DROSHA: variants seen among roughly 807,000 people sequenced by gnomAD.
The protein encoded by DROSHA is drosha ribonuclease III.
A neutral mutation model predicts 181.9 loss-of-function variants in DROSHA; 56 were observed. The ratio of observed to expected loss-of-function variants is 0.31; its 90% CI spans 0.25 to 0.38. The LOEUF (loss-of-function observed/expected upper bound fraction) is 0.38, where lower values mean the gene tolerates loss of function less well. Ranked by LOEUF, DROSHA falls within the 10% of genes least tolerant of loss-of-function variation. DROSHA has a pLI of 1.00. For synonymous variants in DROSHA, 524 were observed against 591.2 expected, an observed-to-expected ratio of 0.89 and a Z score of 1.65; for missense variants, 1,218 against 1,743.5, an observed-to-expected ratio of 0.70 and a Z score of 5.37.
At chr5:31,446,409 T>C (rs1313651916) in intron 23 of DROSHA, among the ~76,000 whole-genome samples, 8 of 127,720 alleles carry the variant, frequency 6.3e-5, no homozygotes, top group South Asian at 2.5e-4. Context: ...ATCGTACCAC[T>C]GCACTCCAGC....
intron 11 of DROSHA, among the ~76,000 whole-genome samples, chr5:31,497,565 C>T (rs1235573129): frequency 6.6e-6 from 1 of 152,232 alleles, no homozygotes; most frequent in Non-Finnish European, 1.5e-5. Flanking sequence ...AAAGTGCACA[C>T]AGAAGGTAGC....
In DROSHA at chr5:31,470,253, T is replaced by C. The variant is rs1223157846; in HGVS notation, c.2241+1810A>G. Among the ~76,000 whole-genome samples the C allele has an allele frequency of 6.6e-6, 1 of 152,226 alleles. No individual in the cohort carries two copies. The highest frequency in any genetic ancestry group is 6.5e-5 in the Admixed American group (1 of 15,286). ...TTAATCATGCCAATAATTTCTACAA[T>C]TTCTCAATTCCTCAGAGATCTTACT... On this transcript the variant is annotated intron_variant, in intron 17 of 35. Transcript: ENST00000344624. This position sits in a 1 kb window ranked among gnomAD's most constrained non-coding sequence, Gnocchi z 4.0.
intron 4 of DROSHA, among the ~76,000 whole-genome samples, chr5:31,527,239 T>G (rs1389325373): frequency 6.6e-6 from 1 of 152,148 alleles, no homozygotes; most frequent in Non-Finnish European, 1.5e-5. Flanking sequence ...TTTGCTCAAG[T>G]TCCCCTCTGA....
chr5:31,447,615 TTTG>T (rs1217061656), intron 23 of DROSHA, among the ~76,000 whole-genome samples: 1 of 152,166 alleles, frequency 6.6e-6, no homozygotes, highest in Non-Finnish European at 1.5e-5. Flanking sequence ...TGATAAGGAA[TTTG>T]TATCTGAGAA....
chr5:31,446,676 TA>T lies in DROSHA; in HGVS notation c.2882+1870del, dbSNP rs35657251. Among the ~76,000 whole-genome samples the T allele has an allele frequency of 7.6e-3, 968 of 127,986 alleles. 6 individuals carry two copies. The highest frequency in any genetic ancestry group is 0.021 in the East Asian group (90 of 4,390). The allele number at this position is 127,986 out of a possible 152,430, so 84.0% of individuals were successfully genotyped here. On this transcript the variant is annotated intron_variant, in intron 23 of 35. Coordinates refer to ENST00000344624, the MANE Select transcript of DROSHA (RefSeq NM_001382508.1). Reference sequence around the variant, plus strand: ...ACATAGCAAGAGCCCTGTCTCTATTTAAAAAAAAAAAAAAAAAAGGTTAAGA... The same window carrying T: ...ACATAGCAAGAGCCCTGTCTCTATTTAAAAAAAAAAAAAAAAAGGTTAAGA...
chr5:31,504,533 CATA>C lies in DROSHA; in HGVS notation c.1668+19_1668+21del, dbSNP rs779441007. On this transcript the variant is annotated intron_variant, in intron 11 of 35. Coordinates refer to ENST00000344624, the MANE Select transcript of DROSHA (RefSeq NM_001382508.1). ...CTTCTGGCTTCTCAGCATTTACAAA[CATA>C]ATAACCCAAACCAGTTACCTCTTCT... 1 of 1,613,178 alleles carries C rather than the reference CATA, an allele frequency of 6.2e-7. No homozygotes were observed.
At chr5:31,421,883 A>AT (rs59349303) in intron 29 of DROSHA, 1 of 85,412 alleles carries the variant, frequency 1.2e-5, no homozygotes, top group Non-Finnish European at 2.5e-5. Flanking sequence ...AAAAAAAAAA[A>AT]AAAAAAAAAA....
intron 35 of DROSHA, among the ~76,000 whole-genome samples, chr5:31,403,320 T>C (rs1216406126): frequency 6.6e-6 from 1 of 152,226 alleles, no homozygotes; most frequent in Middle Eastern, 3.2e-3. Context: ...CATTTAACTA[T>C]TGATAAAACT....
At chr5:31,436,828 A>G (rs1034739510) in intron 24 of DROSHA, among the ~76,000 whole-genome samples, 1 of 151,860 alleles carries the variant, frequency 6.6e-6, no homozygotes, top group African/African-American at 2.4e-5. Context: ...ATTACTTGTA[A>G]GCTTTACTTC....
intron 10 of DROSHA, among the ~76,000 whole-genome samples, chr5:31,505,034 G>A (rs556716630): frequency 4.7e-4 from 71 of 152,198 alleles, no homozygotes; most frequent in African/African-American, 1.6e-3. Flanking sequence ...GGTGACCTGC[G>A]GATTCAATGT....
At chr5:31,431,318 C>G (rs484607) in intron 26 of DROSHA, among the ~76,000 whole-genome samples, 5,877 of 139,454 alleles carry the variant, frequency 0.042, 288 homozygotes, top group East Asian at 0.22. Flanking sequence ...TAAATACTAA[C>G]CATCTACATG....
At position 31,526,328 on chromosome 5, in the gene DROSHA, G is replaced by A. The variant is rs1368902815; in HGVS notation, c.605C>T (p.Pro202Leu). ...GTATGGAGGGAGATGTCTGAAATGA[G>A]GACTACTGCTGTTATTAGCACTGGG... ...FLPSANNSSS[P>L]HFRHLPPYPL... Residue 202 changes from proline (P) to leucine (L), a missense_variant, in exon 5 of 36, where the codon CCT (proline) becomes CTT (leucine). This residue lies in a region of DROSHA where 536 missense variants were observed against 535.4 expected (regional missense o/e 1.00). Transcript: ENST00000344624. 4 of 1,613,884 alleles carry A rather than the reference G, an allele frequency of 2.5e-6. No homozygotes were observed. The highest frequency in any genetic ancestry group is 3.4e-6 in the Non-Finnish European group (4 of 1,179,874).
chr5:31,516,241 C>A (rs1358407403), intron 6 of DROSHA, among the ~76,000 whole-genome samples: 2 of 152,146 alleles, frequency 1.3e-5, no homozygotes, highest in South Asian at 2.1e-4. Flanking sequence ...GGCAACAGAG[C>A]AAAATGCTGT....
At chr5:31,423,745 T>C (rs562803590) in intron 28 of DROSHA, among the ~76,000 whole-genome samples, 2 of 151,350 alleles carry the variant, frequency 1.3e-5, no homozygotes, top group South Asian at 2.1e-4. Context: ...TTATTTTATA[T>C]ACATATATAA....
At chr5:31,520,274 A>T (rs1359347737) in intron 6 of DROSHA, among the ~76,000 whole-genome samples, 1 of 152,072 alleles carries the variant, frequency 6.6e-6, no homozygotes, top group Non-Finnish European at 1.5e-5. Context: ...ACTTTCTCAA[A>T]CCTAATGTTA....
intron 11 of DROSHA, 104 bp downstream of exon 11, chr5:31,504,451 G>C: frequency 3.9e-6 from 5 of 1,289,128 alleles, no homozygotes; most frequent in Non-Finnish European, 5.4e-6. Flanking sequence ...AATATGAAGA[G>C]AATTTTGATG....
chr5:31,493,984 T>TG (rs1580291589), intron 12 of DROSHA, among the ~76,000 whole-genome samples: 14 of 150,070 alleles, frequency 9.3e-5, no homozygotes, highest in African/African-American at 2.7e-4. Context: ...TGTGTGTGTG[T>TG]TTGAGATGAA....
At chr5:31,495,612 C>T (rs371249373) in intron 11 of DROSHA, among the ~76,000 whole-genome samples, 2 of 152,112 alleles carry the variant, frequency 1.3e-5, no homozygotes, top group African/African-American at 4.8e-5. Context: ...CCAATAAGGC[C>T]GCAAATGTCT....
At chr5:31,468,700 C>T (rs1749399770) in intron 17 of DROSHA, among the ~76,000 whole-genome samples, 1 of 152,078 alleles carries the variant, frequency 6.6e-6, no homozygotes, top group East Asian at 1.9e-4. Flanking sequence ...ATCTTGAAAG[C>T]TTAAATTTAT....
Sources: gnomAD v4.1 joint callset for allele counts (sites outside exome capture counted in the v4.1 genomes callset) on GRCh38, gnomAD v4.1.1 for gene constraint, gnomAD v4.1.1 regional missense constraint, Gnocchi (gnomAD v3.1) non-coding constraint, MANE v1.5 for transcripts, NCBI Gene and HGNC (gene_info 2026-07-23, HGNC 2026-07-21) for gene names.